Variants in GAB2 observed in about 807,000 individuals in gnomAD.
GAB2 encodes the protein GRB2-associated-binding protein 2.
In GAB2, 26 loss-of-function variants were observed where a neutral mutation model predicts 65.5. The ratio of observed to expected loss-of-function variants is 0.40; its 90% CI spans 0.29 to 0.55. The LOEUF is 0.55. GAB2 is among the 20% of genes least tolerant of loss of function. The probability of loss-of-function intolerance (pLI) is 0.53; values close to 1 mark genes in which losing one functional copy is unlikely to be tolerated. For missense variants in GAB2, 884 were observed against 875.8 expected (o/e 1.01, Z -0.12); for synonymous variants, 321 against 329.6 (o/e 0.97, Z 0.28).
intron 1 of GAB2, among the ~76,000 whole-genome samples, chr11:78,378,688 G>C (rs1856662626): frequency 6.6e-6 from 1 of 152,108 alleles, no homozygotes; most frequent in Non-Finnish European, 1.5e-5. Context: ...TGAAACAGGA[G>C]TCTTAATGCT....
chr11:78,411,086 G>C (rs1165671271), intron 1 of GAB2, among the ~76,000 whole-genome samples: 28 of 150,658 alleles, frequency 1.9e-4, no homozygotes, highest in Non-Finnish European at 3.0e-5. Flanking sequence ...CCAGGAATTT[G>C]AGGCTGCAGT....
At chr11:78,367,140 T>C (rs915547182) in intron 1 of GAB2, among the ~76,000 whole-genome samples, 5 of 152,180 alleles carry the variant, frequency 3.3e-5, no homozygotes, top group Admixed American at 6.5e-5. Flanking sequence ...AGCTCCAAAT[T>C]GAAAACTTCT....
rs374350010 is a variant in GAB2 at position 78,220,451 on chromosome 11, C to T, written c.1762-7G>A. On this transcript the variant is annotated splice_polypyrimidine_tract_variant and splice_region_variant and intron_variant, in intron 8 of 9. Coordinates refer to ENST00000361507, the MANE Select transcript of GAB2 (RefSeq NM_080491.3). ...ATGCAGACACTGGGTTTTGCTGTCA[C>T]GAGGAGGAAAAAACTGTGAGTGACT... The T allele has an allele frequency of 2.0e-5, 31 of 1,556,812 alleles. No individual in the cohort carries two copies. The highest frequency in any genetic ancestry group is 1.2e-4 in the East Asian group (5 of 43,010).
chr11:78,310,754 T>C (rs1220597221), intron 1 of GAB2, among the ~76,000 whole-genome samples: 7 of 152,168 alleles, frequency 4.6e-5, no homozygotes, highest in Non-Finnish European at 1.0e-4. Flanking sequence ...CTTCAGTCTC[T>C]GATGTGTGTT....
chr11:78,282,558 C>T (rs1337506286), intron 1 of GAB2, among the ~76,000 whole-genome samples: 1 of 152,156 alleles, frequency 6.6e-6, no homozygotes, highest in Non-Finnish European at 1.5e-5. Flanking sequence ...ATCCACCTGC[C>T]TCAGCCTCCC....
At chr11:78,276,615 T>C (rs1421346131) in intron 2 of GAB2, among the ~76,000 whole-genome samples, 1 of 152,118 alleles carries the variant, frequency 6.6e-6, no homozygotes, top group African/African-American at 2.4e-5. Flanking sequence ...TGTAGCCTCA[T>C]TGGTTATGAC....
At chr11:78,373,467 A>T (rs1856597294) in intron 1 of GAB2, among the ~76,000 whole-genome samples, 1 of 151,778 alleles carries the variant, frequency 6.6e-6, no homozygotes, top group Non-Finnish European at 1.5e-5. Context: ...TGGACTACTG[A>T]CCTCAGGTGA....
At position 78,310,036 on chromosome 11, in the gene GAB2, C is replaced by G. The variant is rs144159957; in HGVS notation, c.76-29135G>C. Reference sequence around the variant, plus strand: ...TAAGTTGTCACAATGATTGGAAAGCCTTACAGGCATTAGAGGGCAGAGGAC... The same window carrying G: ...TAAGTTGTCACAATGATTGGAAAGCGTTACAGGCATTAGAGGGCAGAGGAC... On this transcript the variant is annotated intron_variant, in intron 1 of 9. Coordinates refer to ENST00000361507, the MANE Select transcript of GAB2 (RefSeq NM_080491.3). 3.1e-3 allele frequency among the ~76,000 whole-genome samples: 462 copies of G among 151,386 alleles called. 4 individuals are homozygous for G. The highest frequency in any genetic ancestry group is 0.014 in the Middle Eastern group (4 of 292).
intron 2 of GAB2, among the ~76,000 whole-genome samples, chr11:78,271,919 T>C (rs569456665): frequency 6.6e-6 from 1 of 152,334 alleles, no homozygotes; most frequent in African/African-American, 2.4e-5. Flanking sequence ...TGTGCTTTTC[T>C]TGTGATAGTG....
intron 1 of GAB2, among the ~76,000 whole-genome samples, chr11:78,374,181 A>G (rs1318711702): frequency 2.0e-5 from 3 of 152,230 alleles, no homozygotes; most frequent in Non-Finnish European, 4.4e-5. Context: ...ATCCCAGTTT[A>G]GTTTTGTAAT....
At chr11:78,400,190 T>C (rs971867016) in intron 1 of GAB2, among the ~76,000 whole-genome samples, 1 of 152,196 alleles carries the variant, frequency 6.6e-6, no homozygotes, top group Non-Finnish European at 1.5e-5. Context: ...CCACACCCCA[T>C]GTGCACCACC....
chr11:78,322,189 C>A (rs1354741488), intron 1 of GAB2, among the ~76,000 whole-genome samples: 1 of 149,994 alleles, frequency 6.7e-6, no homozygotes, highest in South Asian at 2.1e-4. Flanking sequence ...CCTGTAATCC[C>A]AGCTACTCAG....
intron 1 of GAB2, among the ~76,000 whole-genome samples, chr11:78,348,545 A>G (rs1490377983): frequency 6.6e-6 from 1 of 152,236 alleles, no homozygotes; most frequent in Non-Finnish European, 1.5e-5. Flanking sequence ...ACCATGACCT[A>G]TAAACCCATT....
At chr11:78,348,075 A>G (rs1591056622) in intron 1 of GAB2, among the ~76,000 whole-genome samples, 1 of 152,346 alleles carries the variant, frequency 6.6e-6, no homozygotes, top group South Asian at 2.1e-4. Context: ...GGATCATCAT[A>G]AAGGTCTTTA....
intron 2 of GAB2, among the ~76,000 whole-genome samples, chr11:78,257,815 A>ATT (rs534258454): frequency 2.0e-5 from 3 of 146,492 alleles, no homozygotes; most frequent in African/African-American, 7.5e-5. Context: ...TATTACCTCC[A>ATT]TTTTTTTTTT....
chr11:78,316,591 T>G (rs1293451839), intron 1 of GAB2, among the ~76,000 whole-genome samples: 1 of 152,150 alleles, frequency 6.6e-6, no homozygotes. Context: ...AACAATGAAA[T>G]ACTACCTTGC....
chr11:78,338,673 A>T (rs1856042488), intron 1 of GAB2, among the ~76,000 whole-genome samples: 2 of 152,176 alleles, frequency 1.3e-5, no homozygotes, highest in African/African-American at 4.8e-5. Flanking sequence ...ATACACTAAC[A>T]AGGATACACA....
At chr11:78,259,614 G>C (rs1253029114) in intron 2 of GAB2, among the ~76,000 whole-genome samples, 6 of 152,138 alleles carry the variant, frequency 3.9e-5, no homozygotes, top group African/African-American at 1.4e-4. Context: ...TATGCCAGAG[G>C]AAATTCATAA....
At chr11:78,274,036 A>G (rs1300232501) in intron 2 of GAB2, among the ~76,000 whole-genome samples, 3 of 151,816 alleles carry the variant, frequency 2.0e-5, no homozygotes, top group Admixed American at 2.0e-4. Flanking sequence ...TAAATTGCCC[A>G]GTCTCAGGTA....
Sources: gnomAD v4.1 joint callset for allele counts (sites outside exome capture counted in the v4.1 genomes callset) on GRCh38, gnomAD v4.1.1 for gene constraint, MANE v1.5 for transcripts, NCBI Gene and HGNC (gene_info 2026-07-23, HGNC 2026-07-21) for gene names.